The following PHTF1 variants were observed in gnomAD, a reference collection of about 807,000 sequenced individuals.
The protein encoded by PHTF1 is protein PHTF1.
A neutral mutation model predicts 102.4 loss-of-function variants in PHTF1; 88 were observed. That is an observed-to-expected ratio of 0.86 (90% confidence interval 0.72 to 1.03). The LOEUF (loss-of-function observed/expected upper bound fraction) is 1.03. Ranked by LOEUF, PHTF1 falls within the 50% of genes least tolerant of loss-of-function variation. The probability of loss-of-function intolerance (pLI) is 0.00; values close to 1 mark genes in which losing one functional copy is unlikely to be tolerated. For missense variants in PHTF1, 814 were observed against 909.5 expected (o/e 0.89, Z 1.35); for synonymous variants, 289 against 305.2 (o/e 0.95, Z 0.55).
chr1:113,740,233 A>AT (rs930607337), intron 3 of PHTF1, among the ~76,000 whole-genome samples: 238 of 150,490 alleles, frequency 1.6e-3, no homozygotes, highest in South Asian at 7.6e-3. Flanking sequence ...CCTTGCCAGC[A>AT]TTTTTTTTTG....
At chr1:113,705,741 C>A (rs868360918) in intron 13 of PHTF1, 149 bp downstream of exon 13, 2 of 664,386 alleles carry the variant, frequency 3.0e-6, no homozygotes, top group Non-Finnish European at 5.1e-6. Context: ...ATAACACAAA[C>A]AATAAATCCA....
At position 113,713,141 on chromosome 1, in the gene PHTF1, C is replaced by G. The variant is rs553066358; in HGVS notation, c.783+138G>C. ...AGTTCCAGTCTTCATGTGGTATCTTCTTTTCATATCCTGTGGTTTTACTTG... is the reference window on the plus strand; with the variant it reads ...AGTTCCAGTCTTCATGTGGTATCTTGTTTTCATATCCTGTGGTTTTACTTG... On this transcript the variant is annotated intron_variant, in intron 8 of 18. Coordinates refer to ENST00000369604, the MANE Select transcript of PHTF1 (RefSeq NM_001323043.2). 4.1e-6 allele frequency: 3 copies of G among 734,096 alleles called. No homozygotes were observed. The Admixed American group carries it at 7.7e-5, about 19-fold the overall frequency. The allele number at this position is 734,096 out of a possible 1,614,324, so 45.5% of individuals were successfully genotyped here.
At chr1:113,719,420 C>A (rs1431421049) in intron 7 of PHTF1, among the ~76,000 whole-genome samples, 1 of 152,158 alleles carries the variant, frequency 6.6e-6, no homozygotes, top group Non-Finnish European at 1.5e-5. Flanking sequence ...TAATGCTTTG[C>A]TACTTAGAAA....
rs1571094352 is a variant in PHTF1, at chr1:113,706,579, C to T, written c.1398+15G>A. The T allele has an allele frequency of 4.5e-6, 7 of 1,565,804 alleles. No individual in the cohort carries two copies. In the East Asian group the frequency reaches 6.8e-5, roughly 15 times the overall value. On this transcript the variant is annotated intron_variant, in intron 12 of 18. Transcript: ENST00000369604. ...GTATATTTTTTGAAAAATCTGAAAA[C>T]ATATTCAGTCTTACCCTGCTCATGA...
chr1:113,743,678 T>C (rs537492667), intron 3 of PHTF1, among the ~76,000 whole-genome samples: 2 of 152,334 alleles, frequency 1.3e-5, no homozygotes, highest in African/African-American at 4.8e-5. Flanking sequence ...TGTCGTGCTA[T>C]GACTTTAGGA....
rs187802612 is a variant in PHTF1 at position 113,755,380 on chromosome 1, T to C, written c.102+2319A>G. Among the ~76,000 whole-genome samples, 23 of 152,350 alleles carry C rather than the reference T, an allele frequency of 1.5e-4. No homozygotes were observed. In the East Asian group the frequency reaches 4.4e-3, roughly 29 times the overall value. The stretch of plus-strand genomic sequence containing the variant: ...CAACAATCACATCTATCTTTTTCAC[T>C]GTATTCTCAGCACCTAGTACAAGAG... On this transcript the variant is annotated intron_variant, in intron 3 of 18. Coordinates refer to ENST00000369604, the MANE Select transcript of PHTF1 (RefSeq NM_001323043.2).
At chr1:113,699,619 T>C (rs1649221798) in intron 17 of PHTF1, 85 bp downstream of exon 17, 2 of 719,112 alleles carry the variant, frequency 2.8e-6, no homozygotes, top group East Asian at 2.7e-5. Flanking sequence ...CAACCCAAGG[T>C]ATCATCTGCC....
At chr1:113,758,180 G>A (rs914513203) in intron 2 of PHTF1, among the ~76,000 whole-genome samples, 2 of 138,480 alleles carry the variant, frequency 1.4e-5, no homozygotes, top group African/African-American at 5.3e-5. Flanking sequence ...GCAGTGAGCC[G>A]AGGTCGCGCC....
chr1:113,755,304 A>T (rs1658688519), intron 3 of PHTF1, among the ~76,000 whole-genome samples: 1 of 152,162 alleles, frequency 6.6e-6, no homozygotes, highest in African/African-American at 2.4e-5. Flanking sequence ...CATATTAAAA[A>T]GATATCTGGG....
chr1:113,698,319 T>C lies in PHTF1; in HGVS notation c.2211A>G (p.Val737=). 1 of 1,606,998 alleles carries C rather than the reference T, an allele frequency of 6.2e-7. No individual in the cohort carries two copies. Residue 737 remains valine (V), a synonymous_variant, in exon 18 of 19, where the codon GTA becomes GTG. Coordinates refer to ENST00000369604, the MANE Select transcript of PHTF1 (RefSeq NM_001323043.2). ...MNPLIYNITR[V]VILSAVSGVI... ...CACCTGAGACAGCAGAAAGGATAAC[T>C]ACTCTTGTGATATTGTAGATTAAGG...
chr1:113,754,959 C>A (rs1274772423), intron 3 of PHTF1, among the ~76,000 whole-genome samples: 1 of 152,068 alleles, frequency 6.6e-6, no homozygotes, highest in East Asian at 1.9e-4. Flanking sequence ...TAATATTTTT[C>A]TCTTGTGCTC....
At chr1:113,745,567 G>C (rs1043576757) in intron 3 of PHTF1, among the ~76,000 whole-genome samples, 2 of 152,096 alleles carry the variant, frequency 1.3e-5, no homozygotes, top group Non-Finnish European at 2.9e-5. Context: ...AGGAGGTGAG[G>C]GGCAGGTGAG....
At chr1:113,718,693 C>T (rs1327034853) in intron 7 of PHTF1, among the ~76,000 whole-genome samples, 2 of 152,224 alleles carry the variant, frequency 1.3e-5, no homozygotes, top group Admixed American at 6.5e-5. Context: ...AGGTTTGGAG[C>T]GTCCACCCTC....
chr1:113,751,599 T>C (rs913620393), intron 3 of PHTF1, among the ~76,000 whole-genome samples: 2 of 152,264 alleles, frequency 1.3e-5, no homozygotes. Flanking sequence ...ACCAATTGAT[T>C]CACCAGTTGA....
At chr1:113,740,383 G>A (rs1656178712) in intron 3 of PHTF1, among the ~76,000 whole-genome samples, 1 of 152,054 alleles carries the variant, frequency 6.6e-6, no homozygotes, top group Non-Finnish European at 1.5e-5. Flanking sequence ...TTTGAGAGAT[G>A]TCTATTCAGC....
In PHTF1 at chr1:113,706,018, T is replaced by C. The variant is rs1650112447; in HGVS notation, c.1543A>G (p.Thr515Ala). 2 of 1,613,722 alleles carry C rather than the reference T, an allele frequency of 1.2e-6. No individual in the cohort carries two copies. Among genetic ancestry groups the C allele is most frequent in the South Asian group, 2.2e-5 (2 of 91,068 alleles). ...LKSISAEEIL[T>A]LFCGAPPVTP... Reference sequence around the variant, plus strand: ...ACAGGTGGTGCCCCACAAAAGAGAGTCAAGATCTCCTCAGCTGAAATGGAC... The same window carrying C: ...ACAGGTGGTGCCCCACAAAAGAGAGCCAAGATCTCCTCAGCTGAAATGGAC... The change falls in exon 13 of 19, where the codon ACT (threonine) becomes GCT (alanine). Residue 515 changes from threonine (T) to alanine (A), a missense_variant. Transcript: ENST00000369604.
intron 7 of PHTF1, chr1:113,715,244 A>AC (rs1252502437): frequency 2.0e-5 from 3 of 152,360 alleles, no homozygotes; most frequent in Non-Finnish European, 4.4e-5. Context: ...ACACTAATGA[A>AC]CATCCACAAG....
intron 3 of PHTF1, among the ~76,000 whole-genome samples, chr1:113,745,450 A>C (rs767003148): frequency 1.3e-5 from 2 of 152,188 alleles, no homozygotes; most frequent in Non-Finnish European, 2.9e-5. Flanking sequence ...AAATTTTTCT[A>C]TAAAGAGCCA....
chr1:113,698,801 C>T (rs990733853), intron 17 of PHTF1: 1 of 187,038 alleles, frequency 5.3e-6, no homozygotes, highest in Non-Finnish European at 1.1e-5. Flanking sequence ...CTATCTCTTA[C>T]TGGGTTCTGA....
Sources: gnomAD v4.1 joint callset for allele counts (sites outside exome capture counted in the v4.1 genomes callset) on GRCh38, gnomAD v4.1.1 for gene constraint, MANE v1.5 for transcripts, NCBI Gene and HGNC (gene_info 2026-07-23, HGNC 2026-07-21) for gene names.